The following DMGDH variants were observed in gnomAD, a reference collection of about 807,000 sequenced individuals.
DMGDH encodes dimethylglycine dehydrogenase, mitochondrial.
In DMGDH, 76 loss-of-function variants were observed where a neutral mutation model predicts 95.2. The observed-to-expected ratio is 0.80, with a 90% CI of 0.66 to 0.97. The LOEUF is 0.97. Among genes scored for constraint, DMGDH ranks in the 50% least tolerant of loss-of-function variants. DMGDH has a pLI of 0.00. For missense variants in DMGDH, 987 were observed against 1,055.0 expected (o/e 0.94, Z 0.89); for synonymous variants, 345 against 377.6 (o/e 0.91, Z 1.00).
At chr5:79,009,365 C>CTTT (rs34398829) in intron 14 of DMGDH, among the ~76,000 whole-genome samples, 6 of 132,496 alleles carry the variant, frequency 4.5e-5, no homozygotes, top group African/African-American at 1.8e-4. Context: ...CTTTTCTTTT[C>CTTT]TTTTTTTTTT....
chr5:79,001,156 C>T, intron 15 of DMGDH: 1 of 487,690 alleles, frequency 2.1e-6, no homozygotes, highest in Non-Finnish European at 3.7e-6. Flanking sequence ...TGCACCTAAT[C>T]ATTGCTTTTG....
At chr5:79,010,092 T>C (rs929642741) in intron 14 of DMGDH, among the ~76,000 whole-genome samples, 2 of 152,206 alleles carry the variant, frequency 1.3e-5, no homozygotes, top group Non-Finnish European at 2.9e-5. Context: ...ATATGAGTCA[T>C]TAAAACATCC....
intron 11 of DMGDH, among the ~76,000 whole-genome samples, chr5:79,029,528 CA>C (rs1296722790): frequency 1.3e-5 from 2 of 152,130 alleles, no homozygotes; most frequent in African/African-American, 2.4e-5. Context: ...GCATCAGAAT[CA>C]AAAAGCTCGT....
At chr5:79,050,062 G>C (rs6887869) in intron 5 of DMGDH, among the ~76,000 whole-genome samples, 25,432 of 151,172 alleles carry the variant, frequency 0.17, 2,689 homozygotes, top group African/African-American at 0.3. Context: ...TTCGAGAGGA[G>C]CCTGGGCAAC....
At chr5:79,044,043 T>C (rs992251996) in intron 6 of DMGDH, among the ~76,000 whole-genome samples, 4 of 152,202 alleles carry the variant, frequency 2.6e-5, no homozygotes, top group African/African-American at 9.6e-5. Context: ...GGTAAAAATG[T>C]ATCTGGAACC....
rs766852808 is a variant in DMGDH, at chr5:79,063,733, T to C, written c.156A>G (p.Thr52=). 6.2e-7 allele frequency: 1 copy of C among 1,614,222 alleles called. No homozygotes were observed. Among genetic ancestry groups the C allele is most frequent in the East Asian group, 2.2e-5 (1 of 44,886 alleles). The change falls in exon 2 of 16, where the codon ACA becomes ACG. Residue 52 remains threonine (T), a synonymous_variant. Transcript: ENST00000255189. The part of the protein sequence containing the change: ...AETQWKDRAE[T]VIIGGGCVGV... ...CAACACAGCCACCTCCAATTATCAC[T>C]GTTTCTGCTCTGTCTTTCCATTGTG... is the stretch of plus-strand genomic sequence containing the variant.
At chr5:79,028,301 A>C (rs1402253484) in intron 12 of DMGDH, 132 bp downstream of exon 12, 1 of 766,032 alleles carries the variant, frequency 1.3e-6, no homozygotes, top group Non-Finnish European at 2.1e-6. Context: ...CATGGACAAA[A>C]GTGAGTGTGA....
chr5:79,002,770 G>A (rs1753474559), intron 15 of DMGDH, among the ~76,000 whole-genome samples: 1 of 152,170 alleles, frequency 6.6e-6, no homozygotes, highest in African/African-American at 2.4e-5. Flanking sequence ...TTTCATATCA[G>A]TCCAGAGTAA....
At chr5:79,044,602 A>G (rs1465811535) in intron 5 of DMGDH, 50 bp from the exon 6 acceptor site, 1 of 1,598,606 alleles carries the variant, frequency 6.3e-7, no homozygotes, top group East Asian at 2.2e-5. Context: ...TAAACACATA[A>G]CTGACACTCA....
At chr5:79,059,249 G>A (rs1161566968) in intron 2 of DMGDH, among the ~76,000 whole-genome samples, 2 of 152,164 alleles carry the variant, frequency 1.3e-5, no homozygotes, top group Admixed American at 6.5e-5. Context: ...CTACCTTAAC[G>A]TTTGTAATAC....
chr5:79,066,233 A>G (rs564774967), intron 1 of DMGDH, among the ~76,000 whole-genome samples: 2 of 152,118 alleles, frequency 1.3e-5, no homozygotes, highest in Non-Finnish European at 2.9e-5. Context: ...AGTTCCTAAT[A>G]CTTCCTTTGT....
In DMGDH at chr5:79,026,407, ATG is replaced by A. The variant is rs1295180562; in HGVS notation, c.2190+15_2190+16del. The A allele has an allele frequency of 1.2e-6, 2 of 1,613,976 alleles. No individual in the cohort carries two copies. The highest frequency in any genetic ancestry group is 1.7e-6 in the Non-Finnish European group (2 of 1,179,968). On this transcript the variant is annotated intron_variant, in intron 13 of 15. Transcript: ENST00000255189. Reference sequence around the variant, plus strand: ...AAATAAACATAAAATGTTAATAAAGATGCTAGCATTTCAAACCTCTAACCCCC... The same window carrying A: ...AAATAAACATAAAATGTTAATAAAGACTAGCATTTCAAACCTCTAACCCCC...
At chr5:78,998,847 C>T (rs1386357324) in intron 15 of DMGDH, among the ~76,000 whole-genome samples, 1 of 147,764 alleles carries the variant, frequency 6.8e-6, no homozygotes, top group East Asian at 2.0e-4. Flanking sequence ...GAGACTGTCT[C>T]GAAAAAAAAG....
At chr5:79,040,068 C>T (rs1300636285) in intron 7 of DMGDH, among the ~76,000 whole-genome samples, 1 of 152,058 alleles carries the variant, frequency 6.6e-6, no homozygotes, top group East Asian at 1.9e-4. Flanking sequence ...AGCAAATTAT[C>T]AAATCTGAGG....
intron 5 of DMGDH, among the ~76,000 whole-genome samples, chr5:79,047,526 T>C (rs756354037): frequency 7.2e-5 from 11 of 152,236 alleles, no homozygotes; most frequent in Middle Eastern, 3.4e-3. Context: ...AATGAGTCAA[T>C]TGGAAATGAG....
intron 2 of DMGDH, among the ~76,000 whole-genome samples, chr5:79,060,889 G>T (rs1184763095): frequency 6.8e-6 from 1 of 146,666 alleles, no homozygotes; most frequent in Non-Finnish European, 1.5e-5. Context: ...CTGTACTCCA[G>T]CCTGGCAACA....
intron 14 of DMGDH, among the ~76,000 whole-genome samples, chr5:79,010,296 T>C (rs1034104840): frequency 6.6e-6 from 1 of 152,210 alleles, no homozygotes; most frequent in Non-Finnish European, 1.5e-5. Context: ...CTCTGAGATA[T>C]GTAGTTAAAA....
At chr5:78,999,321 TTC>T (rs1246348923) in intron 15 of DMGDH, among the ~76,000 whole-genome samples, 1 of 152,110 alleles carries the variant, frequency 6.6e-6, no homozygotes, top group Non-Finnish European at 1.5e-5. Context: ...TCCATATGAT[TTC>T]TCTCTCTCTT....
intron 4 of DMGDH, among the ~76,000 whole-genome samples, chr5:79,052,454 T>C (rs1008787382): frequency 3.3e-5 from 5 of 152,240 alleles, no homozygotes; most frequent in African/African-American, 1.2e-4. Context: ...TGGGAAGTTT[T>C]TGATTACGAA....
Sources: allele counts gnomAD v4.1 joint callset (sites outside exome capture counted in the v4.1 genomes callset), GRCh38; gene constraint gnomAD v4.1.1; transcripts MANE v1.5; gene names NCBI Gene and HGNC (gene_info 2026-07-23, HGNC 2026-07-21).